MYH16: variants seen among roughly 807,000 people sequenced by gnomAD.
MYH16 encodes myosin heavy chain 16.
chr7:99,261,585 G>A (rs1791938225), exon 13 of MYH16: 1 of 154,530 alleles, frequency 6.5e-6, no homozygotes, highest in South Asian at 2.1e-4. Context: ...AGGGGGGCAA[G>A]AGCAAGGGGC....
intron 29 of MYH16, among the ~76,000 whole-genome samples, chr7:99,289,047 G>C (rs1028824211): frequency 6.6e-6 from 1 of 151,868 alleles, no homozygotes; most frequent in African/African-American, 2.4e-5. Flanking sequence ...CCAGGATGTC[G>C]AGGCTACAGT....
intron 34 of MYH16, 62 bp downstream of exon 15, chr7:99,296,979 T>G: frequency 6.8e-6 from 3 of 443,474 alleles, no homozygotes; most frequent in South Asian, 3.2e-5. Context: ...CAGAGTCCCC[T>G]TCATCCTGAG....
chr7:99,288,636 C>T (rs1029265099), intron 29 of MYH16, among the ~76,000 whole-genome samples: 4 of 147,758 alleles, frequency 2.7e-5, no homozygotes, highest in African/African-American at 1.0e-4. Context: ...TGCATTGAGC[C>T]GAGATTGCGC....
chr7:99,281,424 T>C (rs996377695), intron 23 of MYH16, among the ~76,000 whole-genome samples: 2 of 151,788 alleles, frequency 1.3e-5, no homozygotes, highest in Non-Finnish European at 2.9e-5. Flanking sequence ...TAGCCAGGTC[T>C]GGTGGCACGC....
intron 33 of MYH16, among the ~76,000 whole-genome samples, chr7:99,295,642 C>T (rs550927998): frequency 6.8e-4 from 103 of 152,012 alleles, no homozygotes; most frequent in Non-Finnish European, 1.2e-3. Context: ...GAAGTGGCCA[C>T]GTAGGCAGGA....
chr7:99,287,471 T>C (rs1792294937), intron 28 of MYH16, among the ~76,000 whole-genome samples: 1 of 146,962 alleles, frequency 6.8e-6, no homozygotes, highest in South Asian at 2.2e-4. Context: ...GAGGCGGAGG[T>C]TGCAGTGAGC....
intron 7 of MYH16, chr7:99,253,675 GAACTCCAGGGA>G (rs1455910284): frequency 6.5e-6 from 1 of 153,094 alleles, no homozygotes; most frequent in African/African-American, 2.4e-5. Flanking sequence ...ATGGAGCCCT[GAACTCCAGGGA>G]AACAGCTGTG....
chr7:99,265,561 C>A, intron 16 of MYH16: 1 of 153,640 alleles, frequency 6.5e-6, no homozygotes, highest in South Asian at 1.8e-4. Flanking sequence ...GCACCCTCCC[C>A]CTTGGCAGGT....
chr7:99,297,265 C>A (rs1185201523), intron 34 of MYH16, among the ~76,000 whole-genome samples: 2 of 151,780 alleles, frequency 1.3e-5, no homozygotes, highest in African/African-American at 4.8e-5. Flanking sequence ...AACCCCGTCT[C>A]TACTAAAAAT....
intron 33 of MYH16, among the ~76,000 whole-genome samples, chr7:99,294,500 CAAA>C (rs1159682450): frequency 1.6e-4 from 4 of 25,570 alleles, no homozygotes; most frequent in East Asian, 1.7e-3. Context: ...GACCCTGTCT[CAAA>C]AAAAAAAAAA....
At chr7:99,251,764 G>A (rs1341828379) in intron 6 of MYH16, among the ~76,000 whole-genome samples, 1 of 152,140 alleles carries the variant, frequency 6.6e-6, no homozygotes, top group African/African-American at 2.4e-5. Flanking sequence ...GAGCCCAGGA[G>A]TTTGAGACCA....
chr7:99,283,890 G>A (rs1792238711), exon 25 of MYH16: 1 of 456,194 alleles, frequency 2.2e-6, no homozygotes, highest in Non-Finnish European at 4.4e-6. Context: ...ATAACTGGGA[G>A]CAGGAAAAGA....
intron 34 of MYH16, 51 bp from the exon 16 acceptor site, chr7:99,297,609 G>T (rs566960225): frequency 2.3e-6 from 1 of 439,160 alleles, no homozygotes; most frequent in African/African-American, 2.0e-5. Context: ...GGTGCCACCT[G>T]CCATGACCCT....
At chr7:99,295,428 C>G (rs1178290697) in intron 33 of MYH16, among the ~76,000 whole-genome samples, 2 of 152,106 alleles carry the variant, frequency 1.3e-5, no homozygotes, top group African/African-American at 4.8e-5. Context: ...GTTCCCCTCT[C>G]TCTTACACAA....
chr7:99,239,531 G>A (rs1284856883), intron 1 of MYH16, among the ~76,000 whole-genome samples: 5 of 152,074 alleles, frequency 3.3e-5, no homozygotes, highest in South Asian at 2.1e-4. Flanking sequence ...GGAGCATGGG[G>A]GTGGTGTGCT....
At chr7:99,276,819 C>T (rs1312776396) in intron 20 of MYH16, among the ~76,000 whole-genome samples, 1 of 151,532 alleles carries the variant, frequency 6.6e-6, no homozygotes, top group African/African-American at 2.4e-5. Context: ...GAGACACACA[C>T]ACATAGAGAA....
chr7:99,273,028 C>T (rs1792067699), intron 19 of MYH16, among the ~76,000 whole-genome samples: 1 of 152,112 alleles, frequency 6.6e-6, no homozygotes, highest in Non-Finnish European at 1.5e-5. Context: ...GATTTGGAGA[C>T]TAATGGGTGA....
intron 23 of MYH16, among the ~76,000 whole-genome samples, chr7:99,283,026 G>A (rs1351638442): frequency 6.6e-6 from 1 of 152,150 alleles, no homozygotes; most frequent in Non-Finnish European, 1.5e-5. Context: ...GTCCGGCATT[G>A]CTGGAGTCAT....
At chr7:99,248,585 A>G (rs537150073) in intron 3 of MYH16, among the ~76,000 whole-genome samples, 32 of 152,308 alleles carry the variant, frequency 2.1e-4, no homozygotes, top group African/African-American at 7.5e-4. Context: ...TTGTGGAGAC[A>G]GGGTTTCACC....
Sources: allele counts gnomAD v4.1 joint callset (sites outside exome capture counted in the v4.1 genomes callset), GRCh38; gene constraint gnomAD v4.1.1; transcripts MANE v1.5; gene names NCBI Gene and HGNC (gene_info 2026-07-23, HGNC 2026-07-21).